ARHGAP6: variants seen among roughly 807,000 people sequenced by gnomAD.
ARHGAP6 encodes rho GTPase-activating protein 6.
Under a neutral mutation model 55.7 loss-of-function variants are expected in ARHGAP6, and 16 were observed. That is an observed-to-expected ratio of 0.29 (90% CI 0.19 to 0.44). The LOEUF is 0.44. ARHGAP6 is among the 20% of genes least tolerant of loss of function. The probability of loss-of-function intolerance (pLI) is 1.00; values close to 1 mark genes in which losing one functional copy is unlikely to be tolerated. For missense variants in ARHGAP6, 698 were observed against 808.9 expected (o/e 0.86, Z 1.66); for synonymous variants, 382 against 360.9 (o/e 1.06, Z -0.66).
At chrX:11,501,003 G>C (rs2050672777) in intron 1 of ARHGAP6, among the ~76,000 whole-genome samples, 1 of 111,887 alleles carries the variant, frequency 8.9e-6, no homozygotes, top group African/African-American at 3.2e-5. Context: ...CTAATATAGA[G>C]GTTGGCAAAT....
chrX:11,313,476 G>C, intron 1 of ARHGAP6, among the ~76,000 whole-genome samples: 1 of 111,710 alleles, frequency 9.0e-6, no homozygotes, highest in African/African-American at 3.3e-5. Flanking sequence ...TGCTTGAACT[G>C]CTTTCCTAAG....
chrX:11,584,619 C>A (rs1402533423), intron 1 of ARHGAP6, among the ~76,000 whole-genome samples: 2 of 111,299 alleles, frequency 1.8e-5, no homozygotes, highest in Non-Finnish European at 3.8e-5. Context: ...GAGGGTCTGC[C>A]CACAGGCAGT....
At chrX:11,171,995 G>A (rs920567911) in intron 8 of ARHGAP6, among the ~76,000 whole-genome samples, 3 of 111,905 alleles carry the variant, frequency 2.7e-5, no homozygotes, top group African/African-American at 9.7e-5. Context: ...ATAAGTATGG[G>A]AACTGCGTCT....
At chrX:11,399,468 G>T (rs1392297032) in intron 1 of ARHGAP6, among the ~76,000 whole-genome samples, 1 of 111,143 alleles carries the variant, frequency 9.0e-6, no homozygotes, top group African/African-American at 3.3e-5. Flanking sequence ...TGGGATGTGG[G>T]ATAATCAATC....
chrX:11,278,245 A>G (rs2047804070), intron 1 of ARHGAP6, among the ~76,000 whole-genome samples: 1 of 111,655 alleles, frequency 9.0e-6, no homozygotes, highest in Admixed American at 9.5e-5. Flanking sequence ...TGCCCATATG[A>G]TTAAGTTAAT....
intron 1 of ARHGAP6, among the ~76,000 whole-genome samples, chrX:11,358,457 C>A (rs868159113): frequency 6.9e-5 from 6 of 87,496 alleles, no homozygotes; most frequent in African/African-American, 1.4e-4. Flanking sequence ...TTCTTTCTTT[C>A]TTTCTTTCTT....
intron 1 of ARHGAP6, among the ~76,000 whole-genome samples, chrX:11,578,877 G>A (rs1303337989): frequency 1.8e-5 from 2 of 111,024 alleles, no homozygotes; most frequent in African/African-American, 6.6e-5. Context: ...CATGTCCTTT[G>A]TAGGGACATG....
chrX:11,332,986 T>C (rs1043930225), intron 1 of ARHGAP6, among the ~76,000 whole-genome samples: 4 of 111,596 alleles, frequency 3.6e-5, no homozygotes, highest in African/African-American at 1.3e-4. Flanking sequence ...CTAATCTGCT[T>C]TCCATATTCA....
At chrX:11,374,578 A>C (rs952630316) in intron 1 of ARHGAP6, among the ~76,000 whole-genome samples, 1 of 112,299 alleles carries the variant, frequency 8.9e-6, no homozygotes, top group Non-Finnish European at 1.9e-5. Flanking sequence ...CTCTGGAGCT[A>C]CTATTTCAAT....
At chrX:11,464,448 A>G (rs745926546) in intron 1 of ARHGAP6, among the ~76,000 whole-genome samples, 8 of 112,015 alleles carry the variant, frequency 7.1e-5, no homozygotes, top group Non-Finnish European at 1.3e-4. Flanking sequence ...GGCAAAGAAA[A>G]AAGTATCCTA....
chrX:11,277,713 A>ATTTT lies in ARHGAP6; in HGVS notation c.589-23007_589-23006insAAAA, dbSNP rs1357284937. On this transcript the variant is annotated intron_variant, in intron 1 of 12. Coordinates refer to ENST00000337414, the MANE Select transcript of ARHGAP6 (RefSeq NM_013427.3). ...TTTCTAGTATTCTTTTTTTTTTTAA[A>ATTTT]AAAAAATTAGCCCTGTAATGGCTAT... is the stretch of plus-strand genomic sequence containing the variant. Among the ~76,000 whole-genome samples the ATTTT allele has an allele frequency of 3.6e-3, 383 of 107,885 alleles. 1 individual carries two copies. Among genetic ancestry groups the ATTTT allele is most frequent in the African/African-American group, 0.012 (354 of 29,147 alleles). The allele number at this position is 107,885 out of a possible 115,157, so 93.7% of individuals were successfully genotyped here. A position where few individuals can be genotyped will look rare whatever the true frequency, so the allele number is the denominator to read the frequency against.
chrX:11,216,267 C>T (rs766324610), intron 2 of ARHGAP6, among the ~76,000 whole-genome samples: 1 of 110,169 alleles, frequency 9.1e-6, no homozygotes, highest in Non-Finnish European at 1.9e-5. Flanking sequence ...TGATAAGCAG[C>T]GGAAAAGAGA....
chrX:11,525,596 C>T (rs987092169), intron 1 of ARHGAP6, among the ~76,000 whole-genome samples: 1 of 112,017 alleles, frequency 8.9e-6, no homozygotes, highest in Non-Finnish European at 1.9e-5. Flanking sequence ...TGGCATAAGA[C>T]TGAGTGAATA....
At chrX:11,555,561 C>T (rs184333299) in intron 1 of ARHGAP6, among the ~76,000 whole-genome samples, 50 of 110,271 alleles carry the variant, frequency 4.5e-4, no homozygotes, top group South Asian at 3.9e-4. Flanking sequence ...TGAGACCAGC[C>T]GGCCAATATG....
intron 1 of ARHGAP6, among the ~76,000 whole-genome samples, chrX:11,277,744 A>G (rs1057250770): frequency 9.1e-6 from 1 of 110,254 alleles, no homozygotes; most frequent in African/African-American, 3.3e-5. Flanking sequence ...GCTATACCAC[A>G]AAGAGTAGAT....
At chrX:11,590,869 G>GAAAAGAAGGAAAGAAAGAAA (rs2051813205) in intron 1 of ARHGAP6, among the ~76,000 whole-genome samples, 6 of 24,213 alleles carry the variant, frequency 2.5e-4, no homozygotes, top group Admixed American at 5.8e-4. Flanking sequence ...AAGAAAAGAA[G>GAAAAGAAGGAAAGAAAGAAA]GAAAGAAAGA....
intron 1 of ARHGAP6, among the ~76,000 whole-genome samples, chrX:11,436,448 A>C (rs762303948): frequency 2.7e-5 from 3 of 112,737 alleles, no homozygotes; most frequent in African/African-American, 9.6e-5. Context: ...AAGCTGGATA[A>C]GTACCAAGTG....
chrX:11,528,122 C>T (rs1447648408), intron 1 of ARHGAP6, among the ~76,000 whole-genome samples: 2 of 111,892 alleles, frequency 1.8e-5, no homozygotes, highest in Non-Finnish European at 3.8e-5. Flanking sequence ...TTTTAGGAAA[C>T]GTAGTCTAAA....
chrX:11,530,993 C>T (rs377728887), intron 1 of ARHGAP6, among the ~76,000 whole-genome samples: 5 of 111,955 alleles, frequency 4.5e-5, no homozygotes, highest in African/African-American at 6.5e-5. Flanking sequence ...ATCTGTGTGA[C>T]GGTCATTTTG....
Sources: allele counts gnomAD v4.1 joint callset (sites outside exome capture counted in the v4.1 genomes callset), GRCh38; gene constraint gnomAD v4.1.1; transcripts MANE v1.5; gene names NCBI Gene and HGNC (gene_info 2026-07-23, HGNC 2026-07-21).